SLC29A2: variants seen among roughly 807,000 people sequenced by gnomAD.
SLC29A2 encodes solute carrier family 29 member 2.
SLC29A2 carries 37 observed loss-of-function variants against 48.8 expected under a neutral mutation model. The observed-to-expected ratio is 0.76, with a 90% CI of 0.58 to 1.00. The LOEUF (loss-of-function observed/expected upper bound fraction) is 1.00, where lower values mean the gene tolerates loss of function less well. Ranked by LOEUF, SLC29A2 falls within the 50% of genes least tolerant of loss-of-function variation. The pLI is 0.00. For synonymous variants in SLC29A2, 233 were observed against 261.7 expected (o/e 0.89, Z 1.06); for missense variants, 533 against 578.6 (o/e 0.92, Z 0.81).
intron 7 of SLC29A2, 144 bp downstream of exon 7, chr11:66,367,320 A>C: frequency 1.3e-6 from 1 of 763,468 alleles, no homozygotes; most frequent in Non-Finnish European, 2.3e-6. Context: ...CTTTAATCCT[A>C]CCAACTTCCC....
rs200231015 is a variant in SLC29A2 at position 66,366,066 on chromosome 11, T to A, written c.974-45A>T. 132 of 1,606,560 alleles carry A rather than the reference T, an allele frequency of 8.2e-5. No individual in the cohort carries two copies. The East Asian group carries it at 2.9e-3, about 35-fold the overall frequency. Reference sequence around the variant, plus strand: ...AGCTCATACTGGTCTCCAACTCCCCTCTCCCGTCCTCTCCCCTTTGTACCC... The same window carrying A: ...AGCTCATACTGGTCTCCAACTCCCCACTCCCGTCCTCTCCCCTTTGTACCC... On this transcript the variant is annotated intron_variant, in intron 9 of 11. Transcript: ENST00000357440.
In SLC29A2 at chr11:66,371,232, C is replaced by T. The variant is rs1856015872; in HGVS notation, c.111+12G>A. The T allele has an allele frequency of 1.2e-6, 2 of 1,613,070 alleles. No individual in the cohort carries two copies. The highest frequency in any genetic ancestry group is 1.7e-6 in the Non-Finnish European group (2 of 1,179,472). On this transcript the variant is annotated intron_variant, in intron 2 of 11. Coordinates refer to ENST00000357440, the MANE Select transcript of SLC29A2 (RefSeq NM_001532.3). The stretch of plus-strand genomic sequence containing the variant: ...TGTGGCCACGAGGCTGCCACGCCGC[C>T]AGGAGTCTCACCGGGATGGCGGTGA...
Position 66,366,499 on chromosome 11 carries a change from CCTT to C in SLC29A2, c.796_798del (p.Lys266del). 1.2e-6 allele frequency: 2 copies of C among 1,614,106 alleles called. No homozygotes were observed. The highest frequency in any genetic ancestry group is 1.7e-6 in the Non-Finnish European group (2 of 1,180,042). ...GGCTCATCTGGCTCTGATTCCGGCT[CCTT>C]CTCCAGGTCAAGATCCAGGGTCAGA... On this transcript the variant is annotated inframe_deletion, in exon 8 of 12. Transcript: ENST00000357440.
Position 66,366,108 on chromosome 11 carries a change from C to T in SLC29A2, c.973+18G>A, listed in dbSNP as rs1216548254. On this transcript the variant is annotated intron_variant, in intron 9 of 11. Coordinates refer to ENST00000357440, the MANE Select transcript of SLC29A2 (RefSeq NM_001532.3). ...TTTGTACCCCCTGCCCTGCCGTCTT[C>T]TCCACCCTGACACTCACTCCACTTC... The T allele has an allele frequency of 6.2e-7, 1 of 1,610,980 alleles. No individual in the cohort carries two copies. Among genetic ancestry groups the T allele is most frequent in the Non-Finnish European group, 8.5e-7 (1 of 1,177,768 alleles).
chr11:66,367,631 TG>T, intron 6 of SLC29A2, 83 bp from the exon 7 acceptor site: 1 of 1,540,026 alleles, frequency 6.5e-7, no homozygotes, highest in Admixed American at 1.7e-5. Flanking sequence ...GCCTGGAGGC[TG>T]GGGCCCCTCA....
intron 11 of SLC29A2, 147 bp from the exon 12 acceptor site, chr11:66,363,694 G>T: frequency 1.4e-6 from 1 of 697,750 alleles, no homozygotes. Flanking sequence ...TCAGTTTCCT[G>T]GTCTGTAAAT....
At chr11:66,364,596 C>A (rs1166169383) in intron 10 of SLC29A2, 172 bp from the exon 11 acceptor site, 1 of 583,602 alleles carries the variant, frequency 1.7e-6, no homozygotes, top group African/African-American at 1.9e-5. Context: ...CCTCCACCTC[C>A]TGGGTTCAAG....
chr11:66,371,843 C>T (rs1337775591), upstream of SLC29A2: 1 of 551,162 alleles, frequency 1.8e-6, no homozygotes, highest in Non-Finnish European at 3.2e-6. Context: ...CCCCACCCGC[C>T]TCAGGGACTC....
At position 66,363,252 on chromosome 11, in the gene SLC29A2, T is replaced by TTA. The variant is rs1192360019; in HGVS notation, c.*183_*184insTA. 1.5e-6 allele frequency: 1 copy of TTA among 659,876 alleles called. No homozygotes were observed. Among genetic ancestry groups the TTA allele is most frequent in the Non-Finnish European group, 2.8e-6 (1 of 358,456 alleles). The allele number at this position is 659,876 out of a possible 1,614,324, so 40.9% of individuals were successfully genotyped here. A position where few individuals can be genotyped will look rare whatever the true frequency, so the allele number is the denominator to read the frequency against. On this transcript the variant is annotated 3_prime_UTR_variant, in exon 12 of 12. Transcript: ENST00000357440. ...GGGTGAGGGTTAGAATGACCGGTGG[T>TTA]GATTTCTTCCCCACAGCACTCCAAG...
At chr11:66,368,427 T>C (rs2292123) in intron 5 of SLC29A2, 110 bp downstream of exon 5, 1,414,309 of 1,436,240 alleles carry the variant, frequency 0.98, 698,227 homozygotes, top group South Asian at 1. Flanking sequence ...CCATATCACC[T>C]GCTTACCTCC....
intron 10 of SLC29A2, 58 bp downstream of exon 10, chr11:66,365,877 GC>G (rs1855656622): frequency 3.3e-6 from 5 of 1,498,214 alleles, no homozygotes; most frequent in Non-Finnish European, 4.7e-6. Context: ...GCTCTTTCAA[GC>G]CCTCGGATCC....
Position 66,366,546 on chromosome 11 carries a change from C to A in SLC29A2, c.752G>T (p.Ser251Ile). The change falls in exon 8 of 12, where the codon AGT becomes ATT. Residue 251 changes from serine (S) to isoleucine (I), a missense_variant. Transcript: ENST00000357440. ...GGTCAGAGCTACTTTCTGGGGACTACTGGGAATCCCGTTCTCATCTGGGGT... is the reference window on the plus strand; with the variant it reads ...GGTCAGAGCTACTTTCTGGGGACTAATGGGAATCCCGTTCTCATCTGGGGT... ...LLQSDENGIP[S>I]SPQKVALTLD... 1 of 1,613,834 alleles carries A rather than the reference C, an allele frequency of 6.2e-7. No homozygotes were observed. The highest frequency in any genetic ancestry group is 1.1e-5 in the South Asian group (1 of 91,064).
chr11:66,370,685 G>A (rs1487738396), intron 2 of SLC29A2, among the ~76,000 whole-genome samples: 1 of 151,946 alleles, frequency 6.6e-6, no homozygotes, highest in Non-Finnish European at 1.5e-5. Context: ...GTGAAACCCC[G>A]TCTCTACTAA....
rs781349224 is a variant in SLC29A2, at chr11:66,368,506, C to T, written c.550+31G>A. Reference sequence around the variant, plus strand: ...CTCTTCCCCAAACCTCAGAGGCCACCCCAGCCCTCCAGCCACCCAAGTGCA... The same window carrying T: ...CTCTTCCCCAAACCTCAGAGGCCACTCCAGCCCTCCAGCCACCCAAGTGCA... On this transcript the variant is annotated intron_variant, in intron 5 of 11. Transcript: ENST00000357440. 1.5e-5 allele frequency: 25 copies of T among 1,612,968 alleles called. No homozygotes were observed. In the Admixed American group the frequency reaches 3.8e-4, roughly 25 times the overall value.
intron 2 of SLC29A2, 151 bp from the exon 3 acceptor site, chr11:66,369,683 A>G: frequency 3.3e-6 from 3 of 903,316 alleles, no homozygotes; most frequent in Non-Finnish European, 3.5e-6. Flanking sequence ...TCGGAGCTCC[A>G]TGAATGTGTG....
At chr11:66,364,955 G>A (rs894727572) in intron 10 of SLC29A2, among the ~76,000 whole-genome samples, 4 of 151,014 alleles carry the variant, frequency 2.6e-5, no homozygotes, top group African/African-American at 9.7e-5. Context: ...TTTTTTGTTT[G>A]TTTGTTTTTG....
At chr11:66,367,596 G>T (rs773488955) in intron 6 of SLC29A2, 48 bp from the exon 7 acceptor site, 2 of 1,587,206 alleles carry the variant, frequency 1.3e-6, no homozygotes, top group Admixed American at 1.7e-5. Context: ...TGCCTGAGGT[G>T]TCTGGATCCC....
At position 66,366,192 on chromosome 11, in the gene SLC29A2, CTG is replaced by C; in HGVS notation, c.905_906del (p.Thr302SerfsTer105). 6.2e-7 allele frequency: 1 copy of C among 1,614,212 alleles called. No homozygotes were observed. The highest frequency in any genetic ancestry group is 8.5e-7 in the Non-Finnish European group (1 of 1,180,038). The stretch of plus-strand genomic sequence containing the variant: ...ATGGCGGGGAAGACGGACAGGGTGA[CTG>C]TGAAGACCAACACAAGGCACAGCGC... The part of the protein sequence containing the change: ...LTALCLVLVF[T>X]VTLSVFPAIT... On this transcript the variant is annotated frameshift_variant, in exon 9 of 12. Transcript: ENST00000357440. LOFTEE classifies it high-confidence loss of function.
At chr11:66,365,863 C>A in intron 10 of SLC29A2, 73 bp downstream of exon 10, 1 of 1,402,680 alleles carries the variant, frequency 7.1e-7, no homozygotes, top group African/African-American at 1.4e-5. Flanking sequence ...AAAATCACCT[C>A]CATGCTCTTT....
Sources: gnomAD v4.1 joint callset for allele counts (sites outside exome capture counted in the v4.1 genomes callset) on GRCh38, gnomAD v4.1.1 for gene constraint, MANE v1.5 for transcripts, NCBI Gene and HGNC (gene_info 2026-07-23, HGNC 2026-07-21) for gene names.